EYS: variants seen among roughly 807,000 people sequenced by gnomAD.
The protein encoded by EYS is protein eyes shut homolog.
A neutral mutation model predicts 282.1 loss-of-function variants in EYS; 250 were observed. The ratio of observed to expected loss-of-function variants is 0.89; its 90% CI spans 0.80 to 0.98. The LOEUF is 0.98. Among genes scored for constraint, EYS ranks in the 50% least tolerant of loss-of-function variants. The pLI, the probability that EYS is intolerant of heterozygous loss-of-function variation, is 0.00. For missense variants in EYS, 4,016 were observed against 3,709.0 expected (o/e 1.08, Z -2.15); for synonymous variants, 1,355 against 1,282.9 (o/e 1.06, Z -1.20).
At chr6:64,857,971 T>C (rs774168101) in intron 19 of EYS, among the ~76,000 whole-genome samples, 2 of 152,128 alleles carry the variant, frequency 1.3e-5, no homozygotes, top group Non-Finnish European at 2.9e-5. Context: ...TTGAGTTGTT[T>C]CAGTTTCTTA....
intron 1 of EYS, among the ~76,000 whole-genome samples, chr6:65,685,538 G>A (rs941264025): frequency 5.9e-5 from 9 of 152,042 alleles, no homozygotes; most frequent in African/African-American, 1.9e-4. Context: ...TTGAAGGCAA[G>A]GTCTGGAGAA....
At chr6:65,548,668 G>T (rs142115611) in intron 2 of EYS, among the ~76,000 whole-genome samples, 1 of 152,018 alleles carries the variant, frequency 6.6e-6, no homozygotes, top group Non-Finnish European at 1.5e-5. Context: ...ATTTGAACCC[G>T]ATGATCTAAA....
intron 5 of EYS, among the ~76,000 whole-genome samples, chr6:65,424,181 G>A (rs970009797): frequency 1.3e-5 from 2 of 151,600 alleles, no homozygotes; most frequent in African/African-American, 2.4e-5. Context: ...TTCTTGGTAG[G>A]GTGCACTGTC....
chr6:65,223,094 T>A (rs1453505312), intron 12 of EYS, among the ~76,000 whole-genome samples: 2 of 152,102 alleles, frequency 1.3e-5, no homozygotes, highest in Admixed American at 6.6e-5. Context: ...CAGAATCAAC[T>A]GTTTTAAAGC....
rs574521046 is a variant in EYS, at chr6:63,768,751, A to G, written c.7899-6118T>C. On this transcript the variant is annotated intron_variant, in intron 40 of 42. Coordinates refer to ENST00000503581, the MANE Select transcript of EYS (RefSeq NM_001142800.2). ...TACCCAAAGGAATATAAATCATTCT[A>G]TCAAAAAGACATATGCATTTGTATG... is the stretch of plus-strand genomic sequence containing the variant. 3.3e-5 allele frequency among the ~76,000 whole-genome samples: 5 copies of G among 152,236 alleles called. No individual in the cohort carries two copies. In the South Asian group the frequency reaches 1.0e-3, roughly 32 times the overall value.
At chr6:63,908,036 T>G (rs906814321) in intron 35 of EYS, among the ~76,000 whole-genome samples, 5 of 79,324 alleles carry the variant, frequency 6.3e-5, no homozygotes, top group African/African-American at 8.5e-5. Context: ...ATATATACGT[T>G]TGTGTGTGTG....
intron 23 of EYS, among the ~76,000 whole-genome samples, chr6:64,622,181 A>T (rs1170363881): frequency 6.6e-6 from 1 of 152,082 alleles, no homozygotes; most frequent in African/African-American, 2.4e-5. Context: ...ATCTAACCTG[A>T]GCTCCACTTG....
At chr6:64,886,171 G>T (rs189014544) in intron 19 of EYS, among the ~76,000 whole-genome samples, 2 of 151,804 alleles carry the variant, frequency 1.3e-5, no homozygotes, top group Admixed American at 1.3e-4. Flanking sequence ...CAGAAATTTA[G>T]AGGGCTAATG....
At chr6:63,769,168 G>A (rs1317397921) in intron 40 of EYS, among the ~76,000 whole-genome samples, 5 of 151,732 alleles carry the variant, frequency 3.3e-5, no homozygotes, top group African/African-American at 7.3e-5. Flanking sequence ...ACCAAACCTC[G>A]GCAACACACA....
At chr6:65,045,236 G>C (rs1437688731) in intron 13 of EYS, among the ~76,000 whole-genome samples, 1 of 151,788 alleles carries the variant, frequency 6.6e-6, no homozygotes, top group Non-Finnish European at 1.5e-5. Flanking sequence ...TGAACACTCT[G>C]ATCTTTGACA....
chr6:64,883,204 C>T (rs1766976313), intron 19 of EYS, among the ~76,000 whole-genome samples: 1 of 151,306 alleles, frequency 6.6e-6, no homozygotes, highest in African/African-American at 2.4e-5. Flanking sequence ...AAAATGTATT[C>T]AGAAGACAGC....
chr6:65,639,573 C>T (rs1005475303), intron 2 of EYS, among the ~76,000 whole-genome samples: 1 of 152,070 alleles, frequency 6.6e-6, no homozygotes, highest in African/African-American at 2.4e-5. Context: ...TTTCAGCACA[C>T]TTTTAGCGGA....
At chr6:64,545,627 G>A (rs1476869805) in intron 26 of EYS, among the ~76,000 whole-genome samples, 7 of 152,242 alleles carry the variant, frequency 4.6e-5, no homozygotes, top group East Asian at 3.9e-4. Context: ...AAACCCCATC[G>A]TCTCAGCCCA....
chr6:64,173,449 A>C (rs1199537714), intron 31 of EYS, among the ~76,000 whole-genome samples: 1 of 152,108 alleles, frequency 6.6e-6, no homozygotes, highest in Non-Finnish European at 1.5e-5. Context: ...GGAGTTTAGG[A>C]GTTTATTGTC....
At chr6:64,795,646 A>G (rs76707427) in intron 22 of EYS, among the ~76,000 whole-genome samples, 2,910 of 152,266 alleles carry the variant, frequency 0.019, 78 homozygotes, top group African/African-American at 0.064. Context: ...TAGGTGAAAT[A>G]CCTGGAATGA....
Position 63,762,483 on chromosome 6 carries a change from G to A in EYS, c.8049C>T (p.Thr2683=). The A allele has an allele frequency of 6.5e-7, 1 of 1,550,116 alleles. No homozygotes were observed. ...CACCTTGTTCACAGTAGATTCCAGT[G>A]GTTCCTAGAGGACAGAAACAGGTGT... ...HGYTCFCPLG[T]TGIYCEQALS... is the part of the protein sequence containing the mutation. The change falls in exon 41 of 43, where the codon ACC becomes ACT. Residue 2683 remains threonine (T), a synonymous_variant. Coordinates refer to ENST00000503581, the MANE Select transcript of EYS (RefSeq NM_001142800.2).
At chr6:64,816,185 C>T (rs539578314) in intron 21 of EYS, among the ~76,000 whole-genome samples, 3 of 152,156 alleles carry the variant, frequency 2.0e-5, no homozygotes, top group South Asian at 4.1e-4. Flanking sequence ...GAACAGAACA[C>T]GGTACCTACT....
At position 64,381,443 on chromosome 6, in the gene EYS, T is replaced by C. The variant is rs541463193; in HGVS notation, c.6078+7247A>G. 9.5e-4 allele frequency among the ~76,000 whole-genome samples: 145 copies of C among 152,322 alleles called. 1 individual carries two copies. The highest frequency in any genetic ancestry group is 1.4e-3 in the Non-Finnish European group (97 of 68,014). On this transcript the variant is annotated intron_variant, in intron 29 of 42. Transcript: ENST00000503581. ...TAAGTTCTCCTATTTGGGAAATTTA[T>C]ATAATGGGGATATTTGTTTATGACT... is the stretch of plus-strand genomic sequence containing the variant.
intron 24 of EYS, among the ~76,000 whole-genome samples, chr6:64,595,073 C>T (rs1766538786): frequency 6.6e-6 from 1 of 152,030 alleles, no homozygotes; most frequent in African/African-American, 2.4e-5. Context: ...AATACAACAA[C>T]ATATCAAAAA....
Sources: gnomAD v4.1 joint callset for allele counts (sites outside exome capture counted in the v4.1 genomes callset) on GRCh38, gnomAD v4.1.1 for gene constraint, MANE v1.5 for transcripts, NCBI Gene and HGNC (gene_info 2026-07-23, HGNC 2026-07-21) for gene names.